The following FZD3 variants were observed in gnomAD, a reference collection of about 807,000 sequenced individuals.
The protein encoded by FZD3 is frizzled class receptor 3, also known as frizzled-3.
In FZD3, 30 loss-of-function variants were observed where a neutral mutation model predicts 60.7. The observed-to-expected ratio is 0.49, with a 90% CI of 0.37 to 0.67. The LOEUF is 0.67. Among genes scored for constraint, FZD3 ranks in the 30% least tolerant of loss-of-function variants. The pLI, the probability that FZD3 is intolerant of heterozygous loss-of-function variation, is 0.00. For missense variants in FZD3, 605 were observed against 838.7 expected (o/e 0.72, Z 3.44); for synonymous variants, 246 against 275.2 (o/e 0.89, Z 1.05).
intron 7 of FZD3, among the ~76,000 whole-genome samples, chr8:28,562,266 C>T (rs887212622): frequency 2.6e-5 from 4 of 152,086 alleles, no homozygotes; most frequent in African/African-American, 9.7e-5. Flanking sequence ...TGGAAAGCAG[C>T]TTTCGGCACA....
intron 3 of FZD3, among the ~76,000 whole-genome samples, chr8:28,504,186 T>C (rs184824477): frequency 6.6e-6 from 1 of 152,216 alleles, no homozygotes; most frequent in Middle Eastern, 3.2e-3. Flanking sequence ...AAGATTATTA[T>C]TCATAGATTT....
rs187367370 is a variant in FZD3 at position 28,563,024 on chromosome 8, A to G, written c.*13A>G. 1.8e-4 allele frequency: 286 copies of G among 1,574,660 alleles called. 3 individuals carry two copies. The African/African-American group carries it at 3.4e-3, about 19-fold the overall frequency. ...AACCAGTGCTTAATTTGTCTTGTCT[A>G]AGGTGGAAATCTTGTGCTGTTTAAA... On this transcript the variant is annotated 3_prime_UTR_variant, in exon 8 of 8. Transcript: ENST00000240093.
Position 28,507,338 on chromosome 8 carries a change from G to A in FZD3, c.189+4136G>A, listed in dbSNP as rs369091495. On this transcript the variant is annotated intron_variant, in intron 3 of 7. Transcript: ENST00000240093. ...TTGCATCCCTGTGGTGTTGTTTACC[G>A]TGTCTCTGTCTCATTTATTTTTGTA... Among the ~76,000 whole-genome samples, 22 of 152,104 alleles carry A rather than the reference G, an allele frequency of 1.4e-4. No individual in the cohort carries two copies. In the South Asian group the frequency reaches 2.1e-3, roughly 14 times the overall value.
intron 2 of FZD3, 68 bp downstream of exon 2, chr8:28,500,046 C>T (rs1190650636): frequency 6.6e-6 from 1 of 152,144 alleles, no homozygotes; most frequent in Non-Finnish European, 1.5e-5. Flanking sequence ...ATCTGCTACA[C>T]TTTACGATTA....
At chr8:28,529,784 G>A (rs547413653) in intron 5 of FZD3, among the ~76,000 whole-genome samples, 7 of 152,148 alleles carry the variant, frequency 4.6e-5, no homozygotes, top group Middle Eastern at 3.4e-3. Context: ...TCAATTTCTT[G>A]CCAGAACTGC....
At position 28,564,158 on chromosome 8, in the gene FZD3, A is replaced by G. The variant is rs1805663905; in HGVS notation, c.*1147A>G. 1 of 152,642 alleles carries G rather than the reference A, an allele frequency of 6.6e-6. No individual in the cohort carries two copies. The allele number at this position is 152,642 out of a possible 1,614,324, so 9.5% of individuals were successfully genotyped here. A position where few individuals can be genotyped will look rare whatever the true frequency, so the allele number is the denominator to read the frequency against. ...TGAGTATTTGAAAATTGTTGTAGCT[A>G]AATGAAGCATGATTAGTCTTAGTAT... On this transcript the variant is annotated 3_prime_UTR_variant, in exon 8 of 8. Transcript: ENST00000240093.
chr8:28,511,417 G>A (rs866661492), intron 3 of FZD3, among the ~76,000 whole-genome samples: 3 of 152,112 alleles, frequency 2.0e-5, no homozygotes, highest in East Asian at 1.9e-4. Context: ...ACCGGGAGGC[G>A]GAGGTTGCAG....
chr8:28,520,911 T>C, intron 4 of FZD3, 77 bp downstream of exon 4: 1 of 1,093,248 alleles, frequency 9.1e-7, no homozygotes. Flanking sequence ...CTTTTCCATC[T>C]GTTTTAAAAA....
Position 28,527,484 on chromosome 8 carries a change from G to T in FZD3, c.724G>T (p.Ala242Ser). The T allele has an allele frequency of 6.2e-7, 1 of 1,613,562 alleles. No individual in the cohort carries two copies. The highest frequency in any genetic ancestry group is 8.5e-7 in the Non-Finnish European group (1 of 1,179,638). Residue 242 changes from alanine (A) to serine (S), a missense_variant, in exon 5 of 8, where the codon GCA becomes TCA. Ala to Ser is a moderately conservative substitution (Grantham distance 99). Coordinates refer to ENST00000240093, the MANE Select transcript of FZD3 (RefSeq NM_017412.4). The surrounding 1 kb of genome is among the most constrained non-coding windows in gnomAD (Gnocchi z 5.0). ...RYPERPIIFYAVCYMMVSLIF... is the reference protein window; with the variant it reads ...RYPERPIIFYSVCYMMVSLIF... ...TCCTGAAAGGCCTATTATATTTTATGCAGTCTGCTACATGATGGTATCCTT... is the reference window on the plus strand; with the variant it reads ...TCCTGAAAGGCCTATTATATTTTATTCAGTCTGCTACATGATGGTATCCTT...
chr8:28,495,227 A>G (rs1440517089), intron 1 of FZD3, among the ~76,000 whole-genome samples: 1 of 152,184 alleles, frequency 6.6e-6, no homozygotes, highest in African/African-American at 2.4e-5. Flanking sequence ...AGCACGTGCC[A>G]TGAATTGAGG....
Position 28,563,187 on chromosome 8 carries a change from A to C in FZD3, c.*176A>C. 1.7e-6 allele frequency: 1 copy of C among 582,660 alleles called. No individual in the cohort carries two copies. Among genetic ancestry groups the C allele is most frequent in the South Asian group, 2.1e-5 (1 of 48,692 alleles). 36.1% of individuals were successfully genotyped at this position (582,660 alleles called of 1,614,324 possible). ...ATATTGCATCAAACTTGGAACATCA[A>C]GGCATCCAAAACACTAAGAATTCTA... is the stretch of plus-strand genomic sequence containing the variant. On this transcript the variant is annotated 3_prime_UTR_variant, in exon 8 of 8. Transcript: ENST00000240093.
In FZD3 at chr8:28,536,572, G is replaced by T. The variant is rs144127481; in HGVS notation, c.1404+8408G>T. Among the ~76,000 whole-genome samples, 267 of 152,226 alleles carry T rather than the reference G, an allele frequency of 1.8e-3. 3 individuals are homozygous for T. Among genetic ancestry groups the T allele is most frequent in the African/African-American group, 6.1e-3 (253 of 41,522 alleles). ...AAAATACAAAAATTAGCCGGGCTGT[G>T]GTGGCACACGCCTATAATCCCAGCT... On this transcript the variant is annotated intron_variant, in intron 5 of 7. Coordinates refer to ENST00000240093, the MANE Select transcript of FZD3 (RefSeq NM_017412.4).
chr8:28,563,478 A>G lies in FZD3; in HGVS notation c.*467A>G, dbSNP rs1013777995. 2 of 157,438 alleles carry G rather than the reference A, an allele frequency of 1.3e-5. No homozygotes were observed. Among genetic ancestry groups the G allele is most frequent in the Non-Finnish European group, 2.8e-5 (2 of 71,124 alleles). The allele number at this position is 157,438 out of a possible 1,614,324, so 9.8% of individuals were successfully genotyped here. The stretch of plus-strand genomic sequence containing the variant: ...AGGACTTTGTAGTTTTATTTCCACT[A>G]AGTGAAAAAAGAACTGTGTTTTTAA... On this transcript the variant is annotated 3_prime_UTR_variant, in exon 8 of 8. Coordinates refer to ENST00000240093, the MANE Select transcript of FZD3 (RefSeq NM_017412.4).
rs1406092189 is a variant in FZD3 at position 28,563,239 on chromosome 8, A to G, written c.*228A>G. 4.1e-6 allele frequency: 2 copies of G among 484,696 alleles called. No homozygotes were observed. Among genetic ancestry groups the G allele is most frequent in the South Asian group, 2.3e-5 (1 of 44,172 alleles). 30.0% of individuals were successfully genotyped at this position (484,696 alleles called of 1,614,324 possible). The stretch of plus-strand genomic sequence containing the variant: ...CATCACAAAAATAATTCGTCTTTCT[A>G]GGTTATGAAGAGATAATTATTTGTC... On this transcript the variant is annotated 3_prime_UTR_variant, in exon 8 of 8. Transcript: ENST00000240093.
At chr8:28,495,410 A>C (rs1228632200) in intron 1 of FZD3, among the ~76,000 whole-genome samples, 1 of 152,214 alleles carries the variant, frequency 6.6e-6, no homozygotes, top group African/African-American at 2.4e-5. Flanking sequence ...GTTTAGATAC[A>C]GCCTCATCTT....
chr8:28,513,730 T>G (rs1168067953), intron 3 of FZD3, among the ~76,000 whole-genome samples: 1 of 152,206 alleles, frequency 6.6e-6, no homozygotes, highest in Non-Finnish European at 1.5e-5. Context: ...TCAAGACCAT[T>G]CCACATTTGG....
chr8:28,513,033 C>G (rs769251072), intron 3 of FZD3, among the ~76,000 whole-genome samples: 1 of 151,924 alleles, frequency 6.6e-6, no homozygotes, highest in Non-Finnish European at 1.5e-5. Context: ...GTGGTTTTCC[C>G]TAAACAAACA....
intron 3 of FZD3, among the ~76,000 whole-genome samples, chr8:28,507,786 AG>A (rs1438260902): frequency 3.5e-5 from 4 of 113,324 alleles, no homozygotes; most frequent in Non-Finnish European, 7.5e-5. Context: ...TGTGAACTCA[AG>A]GATTTTTTTT....
intron 7 of FZD3, among the ~76,000 whole-genome samples, chr8:28,556,818 C>T (rs932400007): frequency 6.6e-6 from 1 of 152,160 alleles, no homozygotes; most frequent in African/African-American, 2.4e-5. Context: ...ACAGTAGTAG[C>T]ACAGAGGAGG....
Sources: gnomAD v4.1 joint callset for allele counts (sites outside exome capture counted in the v4.1 genomes callset) on GRCh38, gnomAD v4.1.1 for gene constraint, Gnocchi (gnomAD v3.1) non-coding constraint, MANE v1.5 for transcripts, NCBI Gene and HGNC (gene_info 2026-07-23, HGNC 2026-07-21) for gene names.